ASTN2: variants seen among roughly 807,000 people sequenced by gnomAD.
ASTN2 encodes the protein astrotactin 2.
Under a neutral mutation model 139.8 loss-of-function variants are expected in ASTN2, and 54 were observed. That is an observed-to-expected ratio of 0.39 (90% CI 0.31 to 0.48). ASTN2 has a LOEUF of 0.48. ASTN2 is among the 20% of genes least tolerant of loss of function. The probability of loss-of-function intolerance (pLI) is 0.95; values close to 1 mark genes in which losing one functional copy is unlikely to be tolerated. For synonymous variants in ASTN2, 756 were observed against 719.5 expected (o/e 1.05, Z -0.81); for missense variants, 1,565 against 1,725.1 (o/e 0.91, Z 1.64).
At chr9:116,436,564 C>A (rs1009832780) in intron 22 of ASTN2, among the ~76,000 whole-genome samples, 1 of 152,080 alleles carries the variant, frequency 6.6e-6, no homozygotes, top group African/African-American at 2.4e-5. Flanking sequence ...AGTAAACATA[C>A]AAGCAATATA....
chr9:117,408,283 G>A (rs1320710440), intron 1 of ASTN2, among the ~76,000 whole-genome samples: 1 of 152,056 alleles, frequency 6.6e-6, no homozygotes, highest in East Asian at 1.9e-4. Context: ...AGGCAGTGTG[G>A]GCTTCAAGAC....
At chr9:117,061,075 A>G (rs1839275188) in intron 5 of ASTN2, among the ~76,000 whole-genome samples, 1 of 152,162 alleles carries the variant, frequency 6.6e-6, no homozygotes, top group Admixed American at 6.5e-5. Flanking sequence ...TTTGTCTTCC[A>G]AGTTCAAGGA....
chr9:116,843,017 C>T (rs919691693), intron 11 of ASTN2, among the ~76,000 whole-genome samples: 12 of 152,132 alleles, frequency 7.9e-5, no homozygotes, highest in African/African-American at 2.7e-4. Context: ...CACATTTTGC[C>T]CTCAGCCAGG....
At chr9:116,531,039 T>C (rs1456790529) in intron 19 of ASTN2, among the ~76,000 whole-genome samples, 1 of 152,204 alleles carries the variant, frequency 6.6e-6, no homozygotes, top group Non-Finnish European at 1.5e-5. Flanking sequence ...AAAGACAAAG[T>C]GTAGCATTTT....
At chr9:117,242,419 C>T (rs753718268) in intron 2 of ASTN2, among the ~76,000 whole-genome samples, 4 of 152,008 alleles carry the variant, frequency 2.6e-5, no homozygotes, top group East Asian at 1.9e-4. Flanking sequence ...AGAGGAAAGT[C>T]GGGACGAGTC....
chr9:117,261,842 C>A (rs1833829488), intron 2 of ASTN2, among the ~76,000 whole-genome samples: 1 of 152,110 alleles, frequency 6.6e-6, no homozygotes, highest in Non-Finnish European at 1.5e-5. Context: ...TTTCTCAAAG[C>A]AAAGTTTGGG....
intron 10 of ASTN2, among the ~76,000 whole-genome samples, chr9:116,884,809 C>CCT (rs1173224815): frequency 8.2e-6 from 1 of 122,296 alleles, no homozygotes; most frequent in East Asian, 3.1e-4. Flanking sequence ...ATCCGCCCCC[C>CCT]CCCCACCCAC....
rs553309283 is a variant in ASTN2, at chr9:117,308,380, T to A, written c.443-16867A>T. 2.6e-5 allele frequency among the ~76,000 whole-genome samples: 4 copies of A among 152,294 alleles called. No homozygotes were observed. The South Asian group carries it at 8.3e-4, about 32-fold the overall frequency. ...CTCGAGGGACCTATTAGCAAGCCCATTTTACAGAGAAAAAAACTGAGATTC... is the reference window on the plus strand; with the variant it reads ...CTCGAGGGACCTATTAGCAAGCCCAATTTACAGAGAAAAAAACTGAGATTC... On this transcript the variant is annotated intron_variant, in intron 1 of 22. Coordinates refer to ENST00000313400, the MANE Select transcript of ASTN2 (RefSeq NM_001365068.1).
Position 116,912,185 on chromosome 9 carries a change from G to C in ASTN2, c.1890-48452C>G, listed in dbSNP as rs1455435740. ...CTGCAAGGCAGCCTGGCACAGTGGA[G>C]AGAGATTGCTTTGAATCCATGCAAA... On this transcript the variant is annotated intron_variant, in intron 10 of 22. Coordinates refer to ENST00000313400, the MANE Select transcript of ASTN2 (RefSeq NM_001365068.1). Among the ~76,000 whole-genome samples the C allele has an allele frequency of 3.3e-5, 5 of 152,268 alleles. No homozygotes were observed. In the South Asian group the frequency reaches 1.0e-3, roughly 31 times the overall value.
intron 1 of ASTN2, among the ~76,000 whole-genome samples, chr9:117,318,238 G>T (rs1828209830): frequency 2.6e-5 from 4 of 152,138 alleles, no homozygotes; most frequent in Admixed American, 1.3e-4. Context: ...ATGCCTCAGT[G>T]TTTCTATCTG....
intron 1 of ASTN2, among the ~76,000 whole-genome samples, chr9:117,307,067 A>G (rs1484031813): frequency 6.6e-6 from 1 of 152,196 alleles, no homozygotes; most frequent in Non-Finnish European, 1.5e-5. Context: ...TCATAGGTAC[A>G]CAAAAAGCCA....
chr9:116,541,946 T>C (rs539479940), intron 19 of ASTN2, among the ~76,000 whole-genome samples: 1 of 152,356 alleles, frequency 6.6e-6, no homozygotes, highest in South Asian at 2.1e-4. Flanking sequence ...TGGTAACATC[T>C]TGCAAACCTA....
At chr9:116,822,889 T>A (rs1280370063) in intron 11 of ASTN2, among the ~76,000 whole-genome samples, 1 of 152,156 alleles carries the variant, frequency 6.6e-6, no homozygotes, top group Non-Finnish European at 1.5e-5. Flanking sequence ...CCTCCTGGGT[T>A]TTCCAGATTG....
At chr9:117,079,595 AC>A (rs1828371491) in intron 5 of ASTN2, among the ~76,000 whole-genome samples, 1 of 152,004 alleles carries the variant, frequency 6.6e-6, no homozygotes, top group Non-Finnish European at 1.5e-5. Context: ...ATGGTCTAGA[AC>A]CCTTTTCAAC....
At chr9:117,181,027 GGT>G in intron 3 of ASTN2, 1 of 1,564,080 alleles carries the variant, frequency 6.4e-7, no homozygotes, top group Non-Finnish European at 8.7e-7. Context: ...CCTGCACTGG[GGT>G]AGCGCAAGGT....
intron 20 of ASTN2, among the ~76,000 whole-genome samples, chr9:116,468,230 C>T (rs766798380): frequency 6.6e-6 from 1 of 151,728 alleles, no homozygotes; most frequent in Non-Finnish European, 1.5e-5. Flanking sequence ...GGCTTTCTTT[C>T]CTTTTTCAGA....
chr9:117,145,106 T>C (rs1357764277), intron 3 of ASTN2, among the ~76,000 whole-genome samples: 1 of 152,148 alleles, frequency 6.6e-6, no homozygotes, highest in Non-Finnish European at 1.5e-5. Context: ...ATAAGCATAG[T>C]ACTTGATAGG....
chr9:117,207,504 T>C (rs1831970113), intron 3 of ASTN2, among the ~76,000 whole-genome samples: 1 of 152,040 alleles, frequency 6.6e-6, no homozygotes, highest in Admixed American at 6.5e-5. Context: ...AGAAACTGTT[T>C]CAAAGGCAGC....
At chr9:117,363,978 T>C (rs375575824) in intron 1 of ASTN2, among the ~76,000 whole-genome samples, 2 of 152,330 alleles carry the variant, frequency 1.3e-5, no homozygotes, top group South Asian at 2.1e-4. Flanking sequence ...TGTCTAAACG[T>C]GGATTAAATC....
Sources: allele counts gnomAD v4.1 joint callset (sites outside exome capture counted in the v4.1 genomes callset), GRCh38; gene constraint gnomAD v4.1.1; transcripts MANE v1.5; gene names NCBI Gene and HGNC (gene_info 2026-07-23, HGNC 2026-07-21).